Variants in LAMP3 observed in about 807,000 individuals in gnomAD.
The protein encoded by LAMP3 is lysosome associated membrane protein 3.
A neutral mutation model predicts 34.8 loss-of-function variants in LAMP3; 26 were observed. That is an observed-to-expected ratio of 0.75 (90% CI 0.55 to 1.04). The LOEUF (loss-of-function observed/expected upper bound fraction) is 1.04, where lower values mean the gene tolerates loss of function less well. Ranked by LOEUF, LAMP3 falls within the 50% of genes least tolerant of loss-of-function variation. The pLI is 0.00. For missense variants in LAMP3, 495 were observed against 524.0 expected, an observed-to-expected ratio of 0.94 and a Z score of 0.54; for synonymous variants, 180 against 201.9, an observed-to-expected ratio of 0.89 and a Z score of 0.92.
At chr3:183,161,928 C>T in intron 1 of LAMP3, 1 of 984,012 alleles carries the variant, frequency 1.0e-6, no homozygotes, top group Non-Finnish European at 1.2e-6. Context: ...CACCTCTTCC[C>T]TAACATTCCT....
intron 3 of LAMP3, among the ~76,000 whole-genome samples, chr3:183,144,836 G>T (rs1375286922): frequency 1.3e-5 from 2 of 152,202 alleles, no homozygotes; most frequent in South Asian, 4.1e-4. Flanking sequence ...AGTCCAGGAG[G>T]CTGAGGCTGC....
chr3:183,162,713 G>C lies in LAMP3; in HGVS notation c.-58C>G, dbSNP rs940065488. 4 of 1,436,792 alleles carry C rather than the reference G, an allele frequency of 2.8e-6. No individual in the cohort carries two copies. The highest frequency in any genetic ancestry group is 3.0e-5 in the African/African-American group (2 of 67,788). 89.0% of individuals were successfully genotyped at this position (1,436,792 alleles called of 1,614,324 possible). The stretch of plus-strand genomic sequence containing the variant: ...GCGAAGTCCGGGCAGGCCCCGAATC[G>C]GTGCCAGAGAAACCTACCTGTGCCG... On this transcript the variant is annotated 5_prime_UTR_variant, in exon 1 of 6. Coordinates refer to ENST00000265598, the MANE Select transcript of LAMP3 (RefSeq NM_014398.4).
chr3:183,130,251 C>T (rs1398949366), intron 5 of LAMP3, among the ~76,000 whole-genome samples: 8 of 150,200 alleles, frequency 5.3e-5, no homozygotes, highest in African/African-American at 1.5e-4. Context: ...CTCTGCCTCC[C>T]GGGTTGACGC....
intron 5 of LAMP3, chr3:183,132,447 A>T: frequency 2.0e-6 from 2 of 982,462 alleles, no homozygotes; most frequent in Non-Finnish European, 2.4e-6. Flanking sequence ...AAAATGTATA[A>T]GAAAAATCAG....
intron 1 of LAMP3, among the ~76,000 whole-genome samples, chr3:183,159,504 T>C (rs658672): frequency 0.66 from 99,863 of 152,048 alleles, 36,034 homozygotes; most frequent in Non-Finnish European, 0.82. Context: ...AGGGAGTCAT[T>C]GGAGCCCCAC....
intron 3 of LAMP3, among the ~76,000 whole-genome samples, chr3:183,141,709 TTGATAC>T (rs1407062631): frequency 5.9e-5 from 9 of 152,228 alleles, no homozygotes; most frequent in Non-Finnish European, 1.2e-4. Flanking sequence ...AGTAAGGTCA[TTGATAC>T]TGATACACTG....
chr3:183,131,645 CA>C (rs1269855588), intron 5 of LAMP3, among the ~76,000 whole-genome samples: 3 of 152,088 alleles, frequency 2.0e-5, no homozygotes, highest in Non-Finnish European at 4.4e-5. Flanking sequence ...ACAAGGAGAG[CA>C]AAAATGCCTC....
chr3:183,140,878 C>A (rs780139634), intron 3 of LAMP3, among the ~76,000 whole-genome samples: 1 of 152,168 alleles, frequency 6.6e-6, no homozygotes. Context: ...TGAGTCCCTT[C>A]GGTTGGGCCA....
At position 183,124,063 on chromosome 3, in the gene LAMP3, AT is replaced by A; in HGVS notation, c.*17del. The A allele has an allele frequency of 6.2e-7, 1 of 1,613,790 alleles. No homozygotes were observed. Among genetic ancestry groups the A allele is most frequent in the East Asian group, 2.2e-5 (1 of 44,854 alleles). The stretch of plus-strand genomic sequence containing the variant: ...GAGTTCTCTAAATTCCATTATTTTC[AT>A]TCCCCCCGGGCAACAATTAGATTCT... On this transcript the variant is annotated 3_prime_UTR_variant, in exon 6 of 6. Coordinates refer to ENST00000265598, the MANE Select transcript of LAMP3 (RefSeq NM_014398.4).
At chr3:183,141,103 A>G (rs1720271253) in intron 3 of LAMP3, among the ~76,000 whole-genome samples, 1 of 152,214 alleles carries the variant, frequency 6.6e-6, no homozygotes, top group Non-Finnish European at 1.5e-5. Context: ...CCCTCTGGGA[A>G]AAACAATGTA....
At chr3:183,143,645 T>C (rs970165738) in intron 3 of LAMP3, among the ~76,000 whole-genome samples, 3 of 152,108 alleles carry the variant, frequency 2.0e-5, no homozygotes, top group African/African-American at 7.2e-5. Flanking sequence ...TCTTGTCTCA[T>C]CACCATTCAA....
intron 5 of LAMP3, among the ~76,000 whole-genome samples, chr3:183,134,107 C>T (rs1050053471): frequency 1.3e-5 from 2 of 152,186 alleles, no homozygotes; most frequent in Non-Finnish European, 1.5e-5. Flanking sequence ...TACCTCTTCA[C>T]ATTTGAGCAT....
chr3:183,138,656 A>G (rs184226318), intron 4 of LAMP3, among the ~76,000 whole-genome samples: 2 of 152,232 alleles, frequency 1.3e-5, no homozygotes, highest in Non-Finnish European at 1.5e-5. Flanking sequence ...ACTACTCCAC[A>G]CAACAACCAA....
At chr3:183,158,837 G>A (rs138754431) in intron 1 of LAMP3, among the ~76,000 whole-genome samples, 2 of 152,166 alleles carry the variant, frequency 1.3e-5, no homozygotes, top group East Asian at 3.9e-4. Context: ...GGCCCTGTGA[G>A]GCAGACACAT....
At chr3:183,157,226 T>C (rs997880319) in intron 1 of LAMP3, among the ~76,000 whole-genome samples, 1 of 152,228 alleles carries the variant, frequency 6.6e-6, no homozygotes, top group African/African-American at 2.4e-5. Flanking sequence ...GATCATTCTT[T>C]AAGGGTCTTT....
At chr3:183,142,800 C>T (rs1401415704) in intron 3 of LAMP3, among the ~76,000 whole-genome samples, 3 of 152,024 alleles carry the variant, frequency 2.0e-5, no homozygotes, top group Non-Finnish European at 2.9e-5. Context: ...AATGAAAGTG[C>T]CGGGCCATGT....
At position 183,140,996 on chromosome 3, in the gene LAMP3, G is replaced by A. The variant is rs535043387; in HGVS notation, c.889-401C>T. Among the ~76,000 whole-genome samples, 4 of 152,312 alleles carry A rather than the reference G, an allele frequency of 2.6e-5. No homozygotes were observed. In the East Asian group the frequency reaches 7.7e-4, roughly 29 times the overall value. Reference sequence around the variant, plus strand: ...CTAAGGGTAGGAATTCTTATCCTGAGACCACTCATCCTTTCCTTTTATTTT... The same window carrying A: ...CTAAGGGTAGGAATTCTTATCCTGAAACCACTCATCCTTTCCTTTTATTTT... On this transcript the variant is annotated intron_variant, in intron 3 of 5. Transcript: ENST00000265598.
Position 183,154,492 on chromosome 3 carries a change from A to G in LAMP3, c.50-101T>C, listed in dbSNP as rs902458818. ...ATGTCTGTTCATAAAAAAACCTAAC[A>G]TGCATATTTTTATACTTGGGGGAAA... is the stretch of plus-strand genomic sequence containing the variant. On this transcript the variant is annotated intron_variant, in intron 1 of 5. Transcript: ENST00000265598. The G allele has an allele frequency of 4.4e-6, 4 of 901,974 alleles. No individual in the cohort carries two copies. In the Admixed American group the frequency reaches 1.1e-4, roughly 24 times the overall value. The allele number at this position is 901,974 out of a possible 1,614,324, so 55.9% of individuals were successfully genotyped here. A position where few individuals can be genotyped will look rare whatever the true frequency, so the allele number is the denominator to read the frequency against.
chr3:183,132,822 T>C (rs1719966806), intron 5 of LAMP3: 3 of 985,330 alleles, frequency 3.0e-6, no homozygotes, highest in African/African-American at 3.5e-5. Flanking sequence ...GGGCTTTACA[T>C]GCGTTCATAT....
Sources: gnomAD v4.1 joint callset for allele counts (sites outside exome capture counted in the v4.1 genomes callset) on GRCh38, gnomAD v4.1.1 for gene constraint, MANE v1.5 for transcripts, NCBI Gene and HGNC (gene_info 2026-07-23, HGNC 2026-07-21) for gene names.